Variants in KHDC1 observed in about 807,000 individuals in gnomAD.
KHDC1 encodes KH domain containing 1, also known as KH homology domain-containing protein 1.
Under a neutral mutation model 24.7 loss-of-function variants are expected in KHDC1, and 21 were observed. The observed-to-expected ratio is 0.85, with a 90% CI of 0.60 to 1.23. The LOEUF (loss-of-function observed/expected upper bound fraction) is 1.23. Among genes scored for constraint, KHDC1 ranks in the 50% most tolerant of loss-of-function variants. The pLI, the probability that KHDC1 is intolerant of heterozygous loss-of-function variation, is 0.00. For missense variants in KHDC1, 274 were observed against 298.5 expected, an observed-to-expected ratio of 0.92 and a Z score of 0.61; for synonymous variants, 98 against 111.7, an observed-to-expected ratio of 0.88 and a Z score of 0.77.
chr6:73,292,983 A>G, intron 1 of KHDC1: 1 of 941,616 alleles, frequency 1.1e-6, no homozygotes, highest in Middle Eastern at 2.4e-4. Flanking sequence ...TGTCACATCC[A>G]CCAGTGTATC....
intron 2 of KHDC1, among the ~76,000 whole-genome samples, chr6:73,263,619 G>C (rs1225765175): frequency 2.0e-5 from 3 of 151,328 alleles, no homozygotes; most frequent in Non-Finnish European, 4.4e-5. Context: ...GGTGGGGGGG[G>C]GGGTGACCCA....
At chr6:73,266,356 A>G (rs1037736453) in intron 2 of KHDC1, among the ~76,000 whole-genome samples, 1 of 152,256 alleles carries the variant, frequency 6.6e-6, no homozygotes, top group Non-Finnish European at 1.5e-5. Flanking sequence ...TTTTACTTTC[A>G]TTAGCTCAAT....
chr6:73,241,980 A>C, intron 4 of KHDC1, 75 bp downstream of exon 3: 2 of 1,470,584 alleles, frequency 1.4e-6, no homozygotes, highest in Non-Finnish European at 1.8e-6. Flanking sequence ...ATTCTTCAAG[A>C]ATCCAAGATG....
chr6:73,263,322 CTT>C, intron 2 of KHDC1, 126 bp from the exon 1 acceptor site: 16 of 977,184 alleles, frequency 1.6e-5, no homozygotes, highest in Non-Finnish European at 1.8e-5. Flanking sequence ...CCCAGCAGCT[CTT>C]GAGTCCAGGA....
intron 2 of KHDC1, among the ~76,000 whole-genome samples, chr6:73,271,732 A>G (rs892317733): frequency 6.6e-6 from 1 of 151,376 alleles, no homozygotes; most frequent in Non-Finnish European, 1.5e-5. Context: ...CTTCTCTACT[A>G]AAACTACAAG....
chr6:73,253,364 T>C (rs1401237954), intron 2 of KHDC1, among the ~76,000 whole-genome samples: 4 of 151,478 alleles, frequency 2.6e-5, no homozygotes, highest in Admixed American at 2.6e-4. Context: ...CCATCCCGGC[T>C]AATATGGTGA....
At chr6:73,248,322 C>T (rs1445744591) in intron 2 of KHDC1, among the ~76,000 whole-genome samples, 1 of 152,054 alleles carries the variant, frequency 6.6e-6, no homozygotes, top group Non-Finnish European at 1.5e-5. Context: ...TCCCCTCTCT[C>T]CTCTGTCTTC....
exon 1 of KHDC1, chr6:73,309,962 G>T (rs879645311): frequency 2.1e-6 from 1 of 471,696 alleles, no homozygotes; most frequent in Non-Finnish European, 3.7e-6. Flanking sequence ...GACGTCCCAG[G>T]GCTCAAGCTC....
chr6:73,272,414 C>T (rs1365352543), intron 2 of KHDC1, among the ~76,000 whole-genome samples: 4 of 151,796 alleles, frequency 2.6e-5, no homozygotes, highest in African/African-American at 9.7e-5. Context: ...GGATTACAGG[C>T]GTGAGCCACC....
In KHDC1 at chr6:73,263,161, G is replaced by C. The variant is rs990260497; in HGVS notation, c.207-20631C>G. The C allele has an allele frequency of 2.4e-5, 24 of 987,106 alleles. No homozygotes were observed. In the African/African-American group the frequency reaches 4.0e-4, roughly 17 times the overall value. The allele number at this position is 987,106 out of a possible 1,614,324, so 61.1% of individuals were successfully genotyped here. A position where few individuals can be genotyped will look rare whatever the true frequency, so the allele number is the denominator to read the frequency against. ...CCGACCCTTCCAGGGGTCCCGGCTCGCGCCGCGGCCGCGCGAGGCGCGCTC... is the reference window on the plus strand; with the variant it reads ...CCGACCCTTCCAGGGGTCCCGGCTCCCGCCGCGGCCGCGCGAGGCGCGCTC... On this transcript the variant is annotated intron_variant, in intron 2 of 4. Transcript: ENST00000370384.
At chr6:73,257,651 C>A (rs1766904860) in intron 2 of KHDC1, among the ~76,000 whole-genome samples, 1 of 151,964 alleles carries the variant, frequency 6.6e-6, no homozygotes, top group Non-Finnish European at 1.5e-5. Flanking sequence ...CCTGCCTCGG[C>A]CTCCCAAAGT....
intron 2 of KHDC1, among the ~76,000 whole-genome samples, chr6:73,243,907 C>A (rs1766619916): frequency 1.3e-5 from 2 of 152,178 alleles, no homozygotes; most frequent in South Asian, 4.1e-4. Flanking sequence ...GAAATAGTGT[C>A]ATCTATTGAT....
At chr6:73,271,906 A>G (rs976856778) in intron 2 of KHDC1, among the ~76,000 whole-genome samples, 1 of 135,426 alleles carries the variant, frequency 7.4e-6, no homozygotes, top group East Asian at 2.0e-4. Context: ...AAAAAAAATA[A>G]GAAGACTGAG....
chr6:73,256,349 T>C lies in KHDC1; in HGVS notation c.207-13819A>G, dbSNP rs150882996. 9.2e-5 allele frequency among the ~76,000 whole-genome samples: 14 copies of C among 152,316 alleles called. No individual in the cohort carries two copies. In the East Asian group the frequency reaches 2.3e-3, roughly 25 times the overall value. ...GTTGAGTATATTATTTATAAACTTA[T>C]AGAAAATATTATTCTCCCATTAAAA... On this transcript the variant is annotated intron_variant, in intron 2 of 4. Coordinates refer to ENST00000370384, the Ensembl canonical transcript of KHDC1.
intron 1 of KHDC1, among the ~76,000 whole-genome samples, chr6:73,294,026 A>C (rs1387525851): frequency 6.6e-6 from 1 of 151,430 alleles, no homozygotes; most frequent in Non-Finnish European, 1.5e-5. Flanking sequence ...AAACAAAAAA[A>C]AACCACCAGC....
chr6:73,241,442 C>T, exon 5 of KHDC1: 1 of 1,302,538 alleles, frequency 7.7e-7, no homozygotes, highest in South Asian at 1.2e-5. Flanking sequence ...TTCAAACTTT[C>T]CTCAGTGTCT....
At chr6:73,287,702 G>A (rs1767549682) in intron 2 of KHDC1, among the ~76,000 whole-genome samples, 1 of 152,184 alleles carries the variant, frequency 6.6e-6, no homozygotes, top group African/African-American at 2.4e-5. Context: ...AAACATCATA[G>A]ACTCTTGGAC....
intron 2 of KHDC1, among the ~76,000 whole-genome samples, chr6:73,260,726 T>C (rs565182270): frequency 1.3e-5 from 2 of 152,340 alleles, no homozygotes; most frequent in African/African-American, 4.8e-5. Flanking sequence ...TTCCACAAAA[T>C]TGATATTTTC....
chr6:73,243,148 G>C (rs1170645131), intron 2 of KHDC1, among the ~76,000 whole-genome samples: 1 of 152,038 alleles, frequency 6.6e-6, no homozygotes, highest in Non-Finnish European at 1.5e-5. Flanking sequence ...GGGAAGTAAA[G>C]AGATTAATGT....
Sources: gnomAD v4.1 joint callset for allele counts (sites outside exome capture counted in the v4.1 genomes callset) on GRCh38, gnomAD v4.1.1 for gene constraint, MANE v1.5 for transcripts, NCBI Gene and HGNC (gene_info 2026-07-23, HGNC 2026-07-21) for gene names.